UGGT2: variants seen among roughly 807,000 people sequenced by gnomAD.
UGGT2 encodes UDP-glucose:glycoprotein glucosyltransferase 2.
A neutral mutation model predicts 192.1 loss-of-function variants in UGGT2; 180 were observed. The ratio of observed to expected loss-of-function variants is 0.94; its 90% CI spans 0.83 to 1.06. The LOEUF (loss-of-function observed/expected upper bound fraction) is 1.06. Ranked by LOEUF, UGGT2 falls within the 50% of genes least tolerant of loss-of-function variation. The pLI, the probability that UGGT2 is intolerant of heterozygous loss-of-function variation, is 0.00. For synonymous variants in UGGT2, 580 were observed against 591.0 expected (o/e 0.98, Z 0.27); for missense variants, 1,849 against 1,795.7 (o/e 1.03, Z -0.54).
chr13:96,018,022 T>C (rs2052391960), intron 4 of UGGT2, among the ~76,000 whole-genome samples: 1 of 152,182 alleles, frequency 6.6e-6, no homozygotes, highest in African/African-American at 2.4e-5. Context: ...CATACATAAA[T>C]TGGGAGTAAA....
At chr13:95,861,352 C>T (rs1044909872) in intron 31 of UGGT2, among the ~76,000 whole-genome samples, 1 of 152,094 alleles carries the variant, frequency 6.6e-6, no homozygotes, top group African/African-American at 2.4e-5. Flanking sequence ...AAACCATCTA[C>T]AATTTGGAGC....
At chr13:96,035,271 A>G (rs1275840302) in intron 1 of UGGT2, among the ~76,000 whole-genome samples, 1 of 152,210 alleles carries the variant, frequency 6.6e-6, no homozygotes, top group Non-Finnish European at 1.5e-5. Context: ...CACACCTACA[A>G]GCATCTGATA....
intron 17 of UGGT2, among the ~76,000 whole-genome samples, chr13:95,934,917 A>C (rs1238757262): frequency 6.6e-6 from 1 of 152,170 alleles, no homozygotes; most frequent in Non-Finnish European, 1.5e-5. Flanking sequence ...TAGGTGTGGA[A>C]GTATTTGTTT....
intron 38 of UGGT2, among the ~76,000 whole-genome samples, chr13:95,810,550 C>T (rs892919187): frequency 3.3e-5 from 5 of 152,046 alleles, no homozygotes; most frequent in Non-Finnish European, 7.4e-5. Flanking sequence ...TCATGACATA[C>T]CTAGCTTTTT....
Position 95,935,956 on chromosome 13 carries a change from A to T in UGGT2, c.1977+968T>A, listed in dbSNP as rs117389258. Reference sequence around the variant, plus strand: ...ATCCTCTTGCCTCAGCCTTTCGAGCAGCTGGGACTAGAGGCACTCATCACC... The same window carrying T: ...ATCCTCTTGCCTCAGCCTTTCGAGCTGCTGGGACTAGAGGCACTCATCACC... On this transcript the variant is annotated intron_variant, in intron 17 of 38. Coordinates refer to ENST00000376747, the MANE Select transcript of UGGT2 (RefSeq NM_020121.4). Among the ~76,000 whole-genome samples the T allele has an allele frequency of 4.1e-3, 627 of 152,240 alleles. 1 individual carries two copies. The highest frequency in any genetic ancestry group is 6.8e-3 in the Middle Eastern group (2 of 294).
At chr13:95,965,768 A>G (rs2050559209) in intron 12 of UGGT2, among the ~76,000 whole-genome samples, 1 of 152,148 alleles carries the variant, frequency 6.6e-6, no homozygotes, top group African/African-American at 2.4e-5. Context: ...TAAAGAAATT[A>G]TACAGATGGC....
chr13:95,940,925 GC>G (rs1484537832), intron 15 of UGGT2, among the ~76,000 whole-genome samples: 1 of 152,068 alleles, frequency 6.6e-6, no homozygotes, highest in Non-Finnish European at 1.5e-5. Context: ...AACTTTCTCT[GC>G]ACCTCTACTC....
At position 95,918,554 on chromosome 13, in the gene UGGT2, C is replaced by T. The variant is rs190628993; in HGVS notation, c.2295+7126G>A. ...AGCTGAACTGAAGGAGTTAGACAAA[C>T]GAAAAACTCTTCAAAAAAAATCAAC... On this transcript the variant is annotated intron_variant, in intron 20 of 38. Coordinates refer to ENST00000376747, the MANE Select transcript of UGGT2 (RefSeq NM_020121.4). Among the ~76,000 whole-genome samples the T allele has an allele frequency of 1.7e-3, 264 of 151,858 alleles. 1 individual carries two copies. The highest frequency in any genetic ancestry group is 3.2e-3 in the Non-Finnish European group (219 of 67,930).
chr13:95,934,302 T>TATG (rs1045697579), intron 17 of UGGT2, among the ~76,000 whole-genome samples: 1 of 152,170 alleles, frequency 6.6e-6, no homozygotes, highest in African/African-American at 2.4e-5. Context: ...GATCTTGGAG[T>TATG]ATGCTCTGTG....
intron 10 of UGGT2, among the ~76,000 whole-genome samples, chr13:95,975,897 G>A (rs1259217129): frequency 6.6e-6 from 1 of 152,158 alleles, no homozygotes; most frequent in East Asian, 1.9e-4. Flanking sequence ...AGCATATAAT[G>A]TGTAATGATC....
intron 20 of UGGT2, among the ~76,000 whole-genome samples, chr13:95,922,399 C>G (rs1013600350): frequency 1.3e-5 from 2 of 152,152 alleles, no homozygotes; most frequent in Non-Finnish European, 2.9e-5. Context: ...AAGCTCCAGC[C>G]TCAGCATCAC....
intron 9 of UGGT2, among the ~76,000 whole-genome samples, chr13:95,985,628 C>G (rs1023578338): frequency 6.6e-6 from 1 of 152,110 alleles, no homozygotes; most frequent in Non-Finnish European, 1.5e-5. Flanking sequence ...TATTTTATCT[C>G]TTTAGTATAA....
At chr13:95,915,508 G>C (rs1462398183) in intron 20 of UGGT2, among the ~76,000 whole-genome samples, 1 of 152,190 alleles carries the variant, frequency 6.6e-6, no homozygotes, top group Non-Finnish European at 1.5e-5. Context: ...CAAATACTTA[G>C]ACAGTAAATG....
At chr13:95,849,932 T>G (rs1013884715) in intron 36 of UGGT2, among the ~76,000 whole-genome samples, 11 of 150,852 alleles carry the variant, frequency 7.3e-5, no homozygotes, top group African/African-American at 2.2e-4. Flanking sequence ...TTTTGTTTTT[T>G]TTTTTGGTCA....
intron 1 of UGGT2, among the ~76,000 whole-genome samples, chr13:96,047,003 CAGG>C (rs2053333746): frequency 6.6e-6 from 1 of 152,190 alleles, no homozygotes; most frequent in Non-Finnish European, 1.5e-5. Flanking sequence ...ACCACAGCTC[CAGG>C]AGGCCTGCCT....
At chr13:95,999,450 G>A in intron 5 of UGGT2, 143 bp from the exon 6 acceptor site, 1 of 692,582 alleles carries the variant, frequency 1.4e-6, no homozygotes, top group East Asian at 2.7e-5. Context: ...TTTGGGGGTT[G>A]TTTATATTGT....
Position 95,972,691 on chromosome 13 carries a change from ATAGT to A in UGGT2, c.1093-24_1093-21del, listed in dbSNP as rs1349677494. ...AAGATCCTTGAAGTAGAGCAAAGCA[ATAGT>A]TAACCAGTGATAGAACAATAGTGAC... On this transcript the variant is annotated intron_variant, in intron 10 of 38. Transcript: ENST00000376747. 33 of 1,578,488 alleles carry A rather than the reference ATAGT, an allele frequency of 2.1e-5. No individual in the cohort carries two copies. The highest frequency in any genetic ancestry group is 2.9e-5 in the Non-Finnish European group (33 of 1,148,578).
chr13:95,849,679 GTTAA>G (rs1217821160), intron 36 of UGGT2, among the ~76,000 whole-genome samples: 2 of 151,588 alleles, frequency 1.3e-5, no homozygotes, highest in South Asian at 2.1e-4. Context: ...TTTGCTCCAG[GTTAA>G]TTAAATTTTT....
At chr13:96,044,363 G>A (rs1231633722) in intron 1 of UGGT2, among the ~76,000 whole-genome samples, 1 of 152,180 alleles carries the variant, frequency 6.6e-6, no homozygotes, top group Non-Finnish European at 1.5e-5. Context: ...CAAAGGCTCT[G>A]CTAAGAGGAA....
Sources: gnomAD v4.1 joint callset for allele counts (sites outside exome capture counted in the v4.1 genomes callset) on GRCh38, gnomAD v4.1.1 for gene constraint, MANE v1.5 for transcripts, NCBI Gene and HGNC (gene_info 2026-07-23, HGNC 2026-07-21) for gene names.